KCNAB1: variants seen among roughly 807,000 people sequenced by gnomAD.
KCNAB1 encodes the protein voltage-gated potassium channel subunit beta-1.
A neutral mutation model predicts 64.6 loss-of-function variants in KCNAB1; 35 were observed. That is an observed-to-expected ratio of 0.54 (90% CI 0.41 to 0.72). KCNAB1 has a LOEUF of 0.72. KCNAB1 is among the 30% of genes least tolerant of loss of function. The probability of loss-of-function intolerance (pLI) is 0.00; values close to 1 mark genes in which losing one functional copy is unlikely to be tolerated. For missense variants in KCNAB1, 401 were observed against 512.9 expected (o/e 0.78, Z 2.11); for synonymous variants, 177 against 183.8 (o/e 0.96, Z 0.30).
At chr3:156,242,053 GGAAGCTTATC>G (rs1309726457) in intron 1 of KCNAB1, among the ~76,000 whole-genome samples, 1 of 152,124 alleles carries the variant, frequency 6.6e-6, no homozygotes, top group Non-Finnish European at 1.5e-5. Flanking sequence ...TTAAATCTCT[GGAAGCTTATC>G]GAATCTCTTT....
At chr3:156,397,697 G>A (rs1232728320) in intron 1 of KCNAB1, among the ~76,000 whole-genome samples, 12 of 151,880 alleles carry the variant, frequency 7.9e-5, no homozygotes, top group Admixed American at 7.9e-4. Context: ...TACAACCTCA[G>A]CCCCCAGGGA....
intron 2 of KCNAB1, among the ~76,000 whole-genome samples, chr3:156,439,498 G>T (rs1002581506): frequency 6.6e-6 from 1 of 152,202 alleles, no homozygotes; most frequent in African/African-American, 2.4e-5. Flanking sequence ...AAGACAGACA[G>T]CCCTGTCCTT....
chr3:156,154,811 G>A (rs1715621654), intron 1 of KCNAB1, among the ~76,000 whole-genome samples: 1 of 152,170 alleles, frequency 6.6e-6, no homozygotes, highest in Admixed American at 6.5e-5. Context: ...GAGGGGTCAT[G>A]CGTTTCTACT....
intron 1 of KCNAB1, among the ~76,000 whole-genome samples, chr3:156,129,913 C>A (rs1032600828): frequency 2.6e-5 from 4 of 152,164 alleles, no homozygotes; most frequent in African/African-American, 9.7e-5. Context: ...GATTTAAAAT[C>A]TTTTCTGATT....
chr3:156,191,786 G>A (rs2108362040), intron 1 of KCNAB1, among the ~76,000 whole-genome samples: 2 of 152,210 alleles, frequency 1.3e-5, no homozygotes, highest in East Asian at 3.9e-4. Flanking sequence ...CAATTTGCTT[G>A]TTCATTCCCT....
At chr3:156,504,620 A>G (rs1350841347) in intron 8 of KCNAB1, among the ~76,000 whole-genome samples, 1 of 151,424 alleles carries the variant, frequency 6.6e-6, no homozygotes, top group African/African-American at 2.4e-5. Flanking sequence ...ATGGTATCTT[A>G]TGCCTTGTTT....
At position 156,428,530 on chromosome 3, in the gene KCNAB1, CACA is replaced by C. The variant is rs1559879706; in HGVS notation, c.319+6872_319+6874del. 2.1e-3 allele frequency among the ~76,000 whole-genome samples: 320 copies of C among 151,762 alleles called. 3 individuals carry two copies. The highest frequency in any genetic ancestry group is 7.6e-3 in the African/African-American group (313 of 41,318). On this transcript the variant is annotated intron_variant, in intron 2 of 13. Transcript: ENST00000490337. ...ACACACACACACACACACACACACA[CACA>C]CCCTATTGGTTCTGTTTCTCTGGAG...
chr3:156,362,345 CTT>C (rs1725669837), intron 1 of KCNAB1, among the ~76,000 whole-genome samples: 1 of 152,158 alleles, frequency 6.6e-6, no homozygotes, highest in Non-Finnish European at 1.5e-5. Flanking sequence ...CAAGAGAAAA[CTT>C]TGACATCTAT....
chr3:156,441,521 A>G (rs925602251), intron 2 of KCNAB1: 3 of 151,850 alleles, frequency 2.0e-5, no homozygotes, highest in Non-Finnish European at 4.4e-5. Flanking sequence ...ATTCGCGGGG[A>G]AAAAAAAGAA....
chr3:156,166,530 T>TACACACAC (rs57754528), intron 1 of KCNAB1, among the ~76,000 whole-genome samples: 48 of 148,916 alleles, frequency 3.2e-4, no homozygotes, highest in South Asian at 1.1e-3. Flanking sequence ...AATACATATA[T>TACACACAC]ACACACACAC....
intron 1 of KCNAB1, among the ~76,000 whole-genome samples, chr3:156,249,119 A>G (rs1717651643): frequency 6.6e-6 from 1 of 152,092 alleles, no homozygotes; most frequent in South Asian, 2.1e-4. Flanking sequence ...AGAATATAAT[A>G]TAATGTTAGG....
At chr3:156,124,272 A>G (rs1304576264) in intron 1 of KCNAB1, among the ~76,000 whole-genome samples, 2 of 149,422 alleles carry the variant, frequency 1.3e-5, no homozygotes, top group African/African-American at 5.0e-5. Flanking sequence ...GCTGGAGTGC[A>G]GTGGCGCAAA....
chr3:156,248,278 C>G (rs568125289), intron 1 of KCNAB1, among the ~76,000 whole-genome samples: 3 of 152,158 alleles, frequency 2.0e-5, no homozygotes, highest in African/African-American at 7.2e-5. Context: ...GGGTGGCTTC[C>G]TTTTATATCC....
chr3:156,294,237 G>A (rs1323504119), intron 1 of KCNAB1, among the ~76,000 whole-genome samples: 1 of 152,206 alleles, frequency 6.6e-6, no homozygotes, highest in Non-Finnish European at 1.5e-5. Flanking sequence ...GACAACTAAA[G>A]ATAGTTCTCT....
chr3:156,305,964 G>A (rs1020346419), intron 1 of KCNAB1, among the ~76,000 whole-genome samples: 1 of 152,168 alleles, frequency 6.6e-6, no homozygotes, highest in African/African-American at 2.4e-5. Context: ...ATAAGGTAGC[G>A]ATTCCTGAAC....
At chr3:156,267,886 C>T (rs1197624345) in intron 1 of KCNAB1, among the ~76,000 whole-genome samples, 2 of 151,998 alleles carry the variant, frequency 1.3e-5, no homozygotes, top group East Asian at 3.9e-4. Flanking sequence ...GTGTTACAAA[C>T]AATCCAAGTA....
At chr3:156,217,830 C>T (rs543664607) in intron 1 of KCNAB1, 17 of 152,288 alleles carry the variant, frequency 1.1e-4, no homozygotes, top group African/African-American at 3.9e-4. Flanking sequence ...CAGGTAACGC[C>T]AGTATCAGGA....
chr3:156,125,855 C>T (rs7617796), intron 1 of KCNAB1, among the ~76,000 whole-genome samples: 95,774 of 151,994 alleles, frequency 0.63, 30,488 homozygotes, highest in Admixed American at 0.74. Context: ...TTTGGTTGAG[C>T]TTATGAAAGC....
At chr3:156,286,804 A>T (rs539267445) in intron 1 of KCNAB1, among the ~76,000 whole-genome samples, 1 of 152,206 alleles carries the variant, frequency 6.6e-6, no homozygotes, top group Non-Finnish European at 1.5e-5. Context: ...AAGTTCTTGC[A>T]GTGGGGATCA....
Sources: allele counts gnomAD v4.1 joint callset (sites outside exome capture counted in the v4.1 genomes callset), GRCh38; gene constraint gnomAD v4.1.1; transcripts MANE v1.5; gene names NCBI Gene and HGNC (gene_info 2026-07-23, HGNC 2026-07-21).